MAMDC2: variants seen among roughly 807,000 people sequenced by gnomAD.
MAMDC2 encodes the protein MAM domain containing 2.
A neutral mutation model predicts 89.8 loss-of-function variants in MAMDC2; 57 were observed. That is an observed-to-expected ratio of 0.63 (90% CI 0.51 to 0.79). The LOEUF (loss-of-function observed/expected upper bound fraction) is 0.79, where lower values mean the gene tolerates loss of function less well. Ranked by LOEUF, MAMDC2 falls within the 30% of genes least tolerant of loss-of-function variation. The pLI, the probability that MAMDC2 is intolerant of heterozygous loss-of-function variation, is 0.00. For missense variants in MAMDC2, 800 were observed against 820.6 expected, an observed-to-expected ratio of 0.97 and a Z score of 0.31; for synonymous variants, 313 against 293.4, an observed-to-expected ratio of 1.07 and a Z score of -0.68.
intron 9 of MAMDC2, among the ~76,000 whole-genome samples, chr9:70,166,304 C>T (rs760357377): frequency 4.2e-4 from 55 of 131,268 alleles, no homozygotes; most frequent in Middle Eastern, 3.8e-3. Flanking sequence ...CACACACACA[C>T]ATATATATAT....
intron 2 of MAMDC2, chr9:70,093,908 T>C (rs1249224108): frequency 2.6e-5 from 4 of 152,210 alleles, no homozygotes; most frequent in Admixed American, 6.5e-5. Flanking sequence ...GAAGCTCCCT[T>C]TCCAAATATT....
intron 5 of MAMDC2, among the ~76,000 whole-genome samples, chr9:70,116,994 A>G (rs1227929515): frequency 6.6e-6 from 1 of 152,078 alleles, no homozygotes; most frequent in African/African-American, 2.4e-5. Context: ...CTTAGTCCCC[A>G]TATGTCAATA....
chr9:70,224,825 A>G (rs557112324), intron 12 of MAMDC2, among the ~76,000 whole-genome samples: 1 of 152,304 alleles, frequency 6.6e-6, no homozygotes, highest in South Asian at 2.1e-4. Flanking sequence ...TAGCATTTTT[A>G]TTAAGAGTAT....
rs1213196936 is a variant in MAMDC2 at position 70,143,768 on chromosome 9, G to C, written c.1353G>C (p.Arg451Ser). The C allele has an allele frequency of 1.2e-6, 2 of 1,614,014 alleles. No homozygotes were observed. Among genetic ancestry groups the C allele is most frequent in the Non-Finnish European group, 1.7e-6 (2 of 1,180,018 alleles). ...TCTGGTCTGTGTTGGAGTCCCCAAG[G>C]GGTGTTTGGATGCAAGCTGAAATCA... ...EKIWSVLESP[R>S]GVWMQAEITF... The change falls in exon 9 of 14, where the codon AGG becomes AGC. Residue 451 changes from arginine to serine, a missense_variant. Transcript: ENST00000377182.
intron 7 of MAMDC2, among the ~76,000 whole-genome samples, chr9:70,137,230 G>T (rs753235747): frequency 3.9e-5 from 6 of 151,978 alleles, no homozygotes; most frequent in Non-Finnish European, 7.4e-5. Flanking sequence ...AAACTACAAA[G>T]AACTCCTATA....
intron 2 of MAMDC2, among the ~76,000 whole-genome samples, chr9:70,053,796 G>A (rs1826966113): frequency 6.6e-6 from 1 of 152,158 alleles, no homozygotes; most frequent in South Asian, 2.1e-4. Flanking sequence ...GCTGTGAGGA[G>A]GCTCAATTTG....
chr9:70,098,600 T>C (rs771181702), intron 2 of MAMDC2, among the ~76,000 whole-genome samples: 25 of 152,168 alleles, frequency 1.6e-4, no homozygotes, highest in Non-Finnish European at 3.2e-4. Flanking sequence ...TGAAAGTCCA[T>C]ATAGATTTAT....
rs528108098 is a variant in MAMDC2 at position 70,191,053 on chromosome 9, A to T, written c.1651+20422A>T. Among the ~76,000 whole-genome samples, 4 of 152,248 alleles carry T rather than the reference A, an allele frequency of 2.6e-5. No homozygotes were observed. In the South Asian group the frequency reaches 8.3e-4, roughly 32 times the overall value. On this transcript the variant is annotated intron_variant, in intron 11 of 13. Coordinates refer to ENST00000377182, the MANE Select transcript of MAMDC2 (RefSeq NM_153267.5). The stretch of plus-strand genomic sequence containing the variant: ...ATGGAGATGGAATTAGGGCAAGAAA[A>T]AAGGTCACTGTTCTTAGCAAAATTC...
At chr9:70,048,562 G>T (rs1187000315) in intron 2 of MAMDC2, among the ~76,000 whole-genome samples, 4 of 152,206 alleles carry the variant, frequency 2.6e-5, no homozygotes, top group Non-Finnish European at 5.9e-5. Context: ...ACCTCCCAAA[G>T]TACTGGGATT....
At chr9:70,054,287 A>C (rs1463990832) in intron 2 of MAMDC2, among the ~76,000 whole-genome samples, 2 of 152,210 alleles carry the variant, frequency 1.3e-5, no homozygotes, top group Admixed American at 6.5e-5. Flanking sequence ...CAGGAGGCTA[A>C]GAAAAGATGC....
intron 2 of MAMDC2, among the ~76,000 whole-genome samples, chr9:70,076,278 G>A (rs529824143): frequency 3.3e-5 from 5 of 152,090 alleles, no homozygotes; most frequent in Non-Finnish European, 7.4e-5. Flanking sequence ...AAATTTAGCC[G>A]AGTGTGGTGG....
chr9:70,069,987 G>C (rs569011637), intron 2 of MAMDC2, among the ~76,000 whole-genome samples: 3 of 152,288 alleles, frequency 2.0e-5, no homozygotes, highest in African/African-American at 7.2e-5. Context: ...TCCCACTCAG[G>C]GGGAGGTGTT....
At chr9:70,119,118 G>A (rs1215365620) in intron 5 of MAMDC2, among the ~76,000 whole-genome samples, 1 of 136,924 alleles carries the variant, frequency 7.3e-6, no homozygotes, top group Non-Finnish European at 1.5e-5. Flanking sequence ...TTTATGAAGT[G>A]AAACAAAATC....
intron 11 of MAMDC2, among the ~76,000 whole-genome samples, chr9:70,203,084 T>G (rs1481222090): frequency 6.6e-6 from 1 of 152,074 alleles, no homozygotes. Context: ...ATGTGTGAAT[T>G]TGATCCTGTC....
At chr9:70,056,677 C>T (rs1827031497) in intron 2 of MAMDC2, among the ~76,000 whole-genome samples, 1 of 152,098 alleles carries the variant, frequency 6.6e-6, no homozygotes, top group Admixed American at 6.5e-5. Context: ...GCAGGGGTCC[C>T]AACCCCCAGG....
chr9:70,044,315 G>C (rs1004416504), intron 1 of MAMDC2, 84 bp downstream of exon 1: 2 of 1,474,196 alleles, frequency 1.4e-6, no homozygotes, highest in Non-Finnish European at 1.9e-6. Context: ...CCGGCTCACC[G>C]TGCTGGGCTG....
At chr9:70,097,256 C>T (rs1364775752) in intron 2 of MAMDC2, among the ~76,000 whole-genome samples, 1 of 152,168 alleles carries the variant, frequency 6.6e-6, no homozygotes, top group African/African-American at 2.4e-5. Context: ...TAGTTGTCGG[C>T]CAAGCTTTGT....
In MAMDC2 at chr9:70,211,220, T is replaced by G. The variant is rs150431111; in HGVS notation, c.1652-7117T>G. Among the ~76,000 whole-genome samples, 313 of 152,344 alleles carry G rather than the reference T, an allele frequency of 2.1e-3. 2 individuals carry two copies. The highest frequency in any genetic ancestry group is 7.1e-3 in the African/African-American group (296 of 41,582). Reference sequence around the variant, plus strand: ...TCCTGGATAATATCCTGAAGACTGTTTTCCAACTTGGTTCCATCCTCCCCG... The same window carrying G: ...TCCTGGATAATATCCTGAAGACTGTGTTCCAACTTGGTTCCATCCTCCCCG... On this transcript the variant is annotated intron_variant, in intron 11 of 13. Transcript: ENST00000377182.
intron 2 of MAMDC2, among the ~76,000 whole-genome samples, chr9:70,062,141 T>C (rs561743979): frequency 6.6e-6 from 1 of 152,222 alleles, no homozygotes; most frequent in African/African-American, 2.4e-5. Flanking sequence ...GAAATTTCTA[T>C]GCTTGCTGTT....
Sources: gnomAD v4.1 joint callset for allele counts (sites outside exome capture counted in the v4.1 genomes callset) on GRCh38, gnomAD v4.1.1 for gene constraint, MANE v1.5 for transcripts, NCBI Gene and HGNC (gene_info 2026-07-23, HGNC 2026-07-21) for gene names.